Variants in ZNF385C observed in about 807,000 individuals in gnomAD.
The protein encoded by ZNF385C is zinc finger protein 385C.
In ZNF385C, 28 loss-of-function variants were observed where a neutral mutation model predicts 35.4. The observed-to-expected ratio is 0.79, with a 90% CI of 0.59 to 1.08. The LOEUF is 1.08. Among genes scored for constraint, ZNF385C ranks in the 50% least tolerant of loss-of-function variants. ZNF385C has a pLI of 0.00. For synonymous variants in ZNF385C, 248 were observed against 248.2 expected, an observed-to-expected ratio of 1.00 and a Z score of 0.01; for missense variants, 605 against 595.6, an observed-to-expected ratio of 1.02 and a Z score of -0.16.
chr17:42,080,373 C>T (rs1167741529), intron 1 of ZNF385C, among the ~76,000 whole-genome samples: 2 of 152,164 alleles, frequency 1.3e-5, no homozygotes, highest in African/African-American at 4.8e-5. Context: ...TGTAAGTCTC[C>T]CTGACCCTCC....
At chr17:42,045,233 A>G (rs1275682314) in intron 2 of ZNF385C, among the ~76,000 whole-genome samples, 1 of 152,074 alleles carries the variant, frequency 6.6e-6, no homozygotes, top group Non-Finnish European at 1.5e-5. Context: ...TTATATTTTT[A>G]GTAGAGACGG....
chr17:42,070,526 G>A lies in ZNF385C; in HGVS notation c.-2-7468C>T, dbSNP rs184279141. Reference sequence around the variant, plus strand: ...AGGGTGGGTGCACCTGGTGGCAAGCGCCTGTTGTCCCTGGAGCACAACAGA... The same window carrying A: ...AGGGTGGGTGCACCTGGTGGCAAGCACCTGTTGTCCCTGGAGCACAACAGA... On this transcript the variant is annotated intron_variant, in intron 1 of 8. Transcript: ENST00000692273. Among the ~76,000 whole-genome samples the A allele has an allele frequency of 7.9e-5, 12 of 152,220 alleles. No individual in the cohort carries two copies. In the East Asian group the frequency reaches 1.9e-3, roughly 25 times the overall value.
chr17:42,031,680 C>A lies in ZNF385C; in HGVS notation c.615G>T (p.Gly205=), dbSNP rs1251930141. 7.7e-6 allele frequency: 12 copies of A among 1,550,548 alleles called. No homozygotes were observed. Among genetic ancestry groups the A allele is most frequent in the Non-Finnish European group, 1.0e-5 (12 of 1,147,018 alleles). The stretch of plus-strand genomic sequence containing the variant: ...GCGTTGGGATTGGGGACACTACAGC[C>A]CCATCCTGGGCCTGGGTGTGTGGCC... ...KQRPHTQAQD[G]AVVSPIPTLA... Residue 205 remains glycine, a synonymous_variant, in exon 5 of 9, where the codon GGG becomes GGT. Transcript: ENST00000692273.
intron 1 of ZNF385C, among the ~76,000 whole-genome samples, chr17:42,074,718 TGAG>T (rs2053666532): frequency 6.6e-6 from 1 of 152,164 alleles, no homozygotes; most frequent in South Asian, 2.1e-4. Context: ...AAATCCAGGG[TGAG>T]GAGGACAGTC....
chr17:42,085,486 A>G lies in ZNF385C; in HGVS notation c.-3+12924T>C, dbSNP rs187275624. ...TTTTTAGTAGAGACAGGGTTTCGCCATGTTGCCCAGGTTGGTCTCAAATGC... is the reference window on the plus strand; with the variant it reads ...TTTTTAGTAGAGACAGGGTTTCGCCGTGTTGCCCAGGTTGGTCTCAAATGC... On this transcript the variant is annotated intron_variant, in intron 1 of 8. Coordinates refer to ENST00000692273, the MANE Select transcript of ZNF385C (RefSeq NM_001392013.1). Among the ~76,000 whole-genome samples, 138 of 145,184 alleles carry G rather than the reference A, an allele frequency of 9.5e-4. 2 individuals carry two copies. Among genetic ancestry groups the G allele is most frequent in the Non-Finnish European group, 1.2e-4 (8 of 66,460 alleles).
At chr17:42,070,814 C>G (rs921234295) in intron 1 of ZNF385C, among the ~76,000 whole-genome samples, 5 of 152,218 alleles carry the variant, frequency 3.3e-5, no homozygotes, top group Admixed American at 1.3e-4. Context: ...CTGTTCCTGT[C>G]CTAGCAGAGT....
chr17:42,062,522 G>A (rs2053477703), intron 2 of ZNF385C: 1 of 313,418 alleles, frequency 3.2e-6, no homozygotes, highest in South Asian at 1.6e-4. Flanking sequence ...CTGCTTAGGA[G>A]TCCTGATCCC....
chr17:42,072,137 C>T (rs1206592162), intron 1 of ZNF385C, among the ~76,000 whole-genome samples: 1 of 152,156 alleles, frequency 6.6e-6, no homozygotes, highest in African/African-American at 2.4e-5. Context: ...CTCCCCTACC[C>T]CTTCCCTTCT....
chr17:42,027,042 G>A lies in ZNF385C; in HGVS notation c.1367C>T (p.Ala456Val). ...PLPTAATAIC[A>V]LPGPLALRPA... The stretch of plus-strand genomic sequence containing the variant: ...GCGGAGGGCCAGGGGCCCTGGCAGA[G>A]CACAGATGGCAGTGGCTGCGGTGGG... The change falls in exon 9 of 9, where the codon GCT becomes GTT. Residue 456 changes from alanine to valine, a missense_variant. Ala to Val is a moderately conservative substitution (Grantham distance 64). Transcript: ENST00000692273. 6.2e-7 allele frequency: 1 copy of A among 1,609,054 alleles called. No homozygotes were observed. The highest frequency in any genetic ancestry group is 1.1e-5 in the South Asian group (1 of 90,286).
chr17:42,037,855 AG>A lies in ZNF385C; in HGVS notation c.280del (p.Leu94CysfsTer59). ...GGTGGGCAGGGGCAGGGAGGCCAGC[AG>A]GGGGCTGGGGGCGCCGGAGGCCGGG... is the stretch of plus-strand genomic sequence containing the variant. ...AGPASGAPSP[L>X]LASLPLPTRP... On this transcript the variant is annotated frameshift_variant, in exon 3 of 9. Transcript: ENST00000692273. LOFTEE classifies it high-confidence loss of function. 6.6e-7 allele frequency: 1 copy of A among 1,519,502 alleles called. No individual in the cohort carries two copies. The highest frequency in any genetic ancestry group is 8.8e-7 in the Non-Finnish European group (1 of 1,131,650). The allele number at this position is 1,519,502 out of a possible 1,614,324, so 94.1% of individuals were successfully genotyped here.
At chr17:42,056,737 T>C (rs782660213) in intron 2 of ZNF385C, among the ~76,000 whole-genome samples, 3 of 152,140 alleles carry the variant, frequency 2.0e-5, no homozygotes, top group Non-Finnish European at 4.4e-5. Context: ...TGAAAAAGTC[T>C]CACGAGATCT....
intron 1 of ZNF385C, among the ~76,000 whole-genome samples, chr17:42,092,618 C>T (rs530346057): frequency 1.3e-5 from 2 of 152,306 alleles, no homozygotes; most frequent in East Asian, 3.9e-4. Context: ...AAGCCTCTGC[C>T]AACAGGGAGA....
chr17:42,071,163 C>T (rs118108964), intron 1 of ZNF385C, among the ~76,000 whole-genome samples: 3,106 of 151,066 alleles, frequency 0.021, 38 homozygotes, highest in Middle Eastern at 0.038. Context: ...GCTCCAGGTG[C>T]CAGGTGAGGG....
chr17:42,071,290 G>T (rs1233990492), intron 1 of ZNF385C, among the ~76,000 whole-genome samples: 1 of 152,186 alleles, frequency 6.6e-6, no homozygotes, highest in Admixed American at 6.5e-5. Flanking sequence ...GGAGTGAGCT[G>T]CTGAAAGCCA....
intron 1 of ZNF385C, among the ~76,000 whole-genome samples, chr17:42,068,282 A>G (rs2143884287): frequency 6.6e-6 from 1 of 152,242 alleles, no homozygotes; most frequent in South Asian, 2.1e-4. Context: ...CAGGACCTAC[A>G]CTTGGACAGG....
intron 1 of ZNF385C, among the ~76,000 whole-genome samples, chr17:42,068,873 C>G (rs537444993): frequency 4.6e-5 from 7 of 152,264 alleles, no homozygotes; most frequent in South Asian, 2.1e-4. Flanking sequence ...GAGGGGGCCA[C>G]AGATTCAGAG....
intron 1 of ZNF385C, among the ~76,000 whole-genome samples, chr17:42,063,266 C>A (rs552746179): frequency 1.3e-5 from 2 of 152,270 alleles, no homozygotes; most frequent in South Asian, 4.1e-4. Flanking sequence ...CTGTGGCTCA[C>A]GCCTGTAATC....
chr17:42,064,214 T>C (rs2053515138), intron 1 of ZNF385C, among the ~76,000 whole-genome samples: 1 of 152,182 alleles, frequency 6.6e-6, no homozygotes, highest in Non-Finnish European at 1.5e-5. Flanking sequence ...AAACTTGCCC[T>C]GCCTGACTTG....
At chr17:42,068,267 G>A (rs1198606542) in intron 1 of ZNF385C, among the ~76,000 whole-genome samples, 1 of 152,154 alleles carries the variant, frequency 6.6e-6, no homozygotes, top group East Asian at 1.9e-4. Context: ...CATGACCCAC[G>A]CTAGCAGGAC....
Sources: allele counts gnomAD v4.1 joint callset (sites outside exome capture counted in the v4.1 genomes callset), GRCh38; gene constraint gnomAD v4.1.1; transcripts MANE v1.5; gene names NCBI Gene and HGNC (gene_info 2026-07-23, HGNC 2026-07-21).